The following PSD3 variants were observed in gnomAD, a reference collection of about 807,000 sequenced individuals.
PSD3 encodes the protein pleckstrin and Sec7 domain containing 3.
A neutral mutation model predicts 105.5 loss-of-function variants in PSD3; 49 were observed. That is an observed-to-expected ratio of 0.46 (90% CI 0.37 to 0.59). The LOEUF (loss-of-function observed/expected upper bound fraction) is 0.59, where lower values mean the gene tolerates loss of function less well. Ranked by LOEUF, PSD3 falls within the 20% of genes least tolerant of loss-of-function variation. The pLI, the probability that PSD3 is intolerant of heterozygous loss-of-function variation, is 0.00. For synonymous variants in PSD3, 557 were observed against 457.8 expected (o/e 1.22, Z -2.77); for missense variants, 1,561 against 1,263.8 (o/e 1.24, Z -3.57).
chr8:19,080,759 A>G (rs1158130543), intron 1 of PSD3, among the ~76,000 whole-genome samples: 1 of 152,198 alleles, frequency 6.6e-6, no homozygotes, highest in African/African-American at 2.4e-5. Context: ...ACCAAAATAG[A>G]GCAGTCAATC....
At chr8:18,685,061 A>G (rs1405353289) in intron 9 of PSD3, among the ~76,000 whole-genome samples, 1 of 152,216 alleles carries the variant, frequency 6.6e-6, no homozygotes, top group Non-Finnish European at 1.5e-5. Flanking sequence ...GTTAATATAA[A>G]TAACAAAACT....
intron 1 of PSD3, among the ~76,000 whole-genome samples, chr8:19,065,453 C>G (rs914758855): frequency 3.3e-5 from 5 of 152,186 alleles, no homozygotes; most frequent in Non-Finnish European, 5.9e-5. Context: ...CCCCCTGACC[C>G]TCGTCACAAG....
At chr8:18,946,625 C>A (rs1359641454) in intron 1 of PSD3, among the ~76,000 whole-genome samples, 3 of 151,032 alleles carry the variant, frequency 2.0e-5, no homozygotes, top group Non-Finnish European at 2.9e-5. Flanking sequence ...ATTTTCCAGG[C>A]ACGGTGGCTC....
chr8:18,642,340 C>T (rs1217626455), intron 10 of PSD3, among the ~76,000 whole-genome samples: 2 of 152,102 alleles, frequency 1.3e-5, no homozygotes, highest in Non-Finnish European at 2.9e-5. Flanking sequence ...AAAAAATATA[C>T]ATATATGTAT....
intron 9 of PSD3, among the ~76,000 whole-genome samples, chr8:18,656,359 C>CTTTTTT (rs34369920): frequency 1.4e-5 from 2 of 147,386 alleles, no homozygotes. Context: ...TGTCTGGCTG[C>CTTTTTT]TTTTTTTTTT....
chr8:18,924,033 A>C (rs1376021967), intron 2 of PSD3, among the ~76,000 whole-genome samples: 1 of 152,134 alleles, frequency 6.6e-6, no homozygotes, highest in Non-Finnish European at 1.5e-5. Context: ...TTTCTGCAAC[A>C]CTTCTTAGTT....
chr8:19,024,221 C>T (rs1418276818), intron 1 of PSD3, among the ~76,000 whole-genome samples: 3 of 152,178 alleles, frequency 2.0e-5, no homozygotes, highest in Non-Finnish European at 4.4e-5. Flanking sequence ...CTGAACTAAG[C>T]ATTTCACTTA....
chr8:18,893,477 A>G (rs955687019), intron 2 of PSD3, among the ~76,000 whole-genome samples: 2 of 152,182 alleles, frequency 1.3e-5, no homozygotes. Flanking sequence ...TGTAACTCTA[A>G]GCCGTTTCTT....
intron 4 of PSD3, among the ~76,000 whole-genome samples, chr8:18,851,412 C>G (rs1815550229): frequency 1.3e-5 from 2 of 152,230 alleles, no homozygotes; most frequent in Non-Finnish European, 2.9e-5. Flanking sequence ...CTCCGGCCAG[C>G]TAAACAATGA....
intron 2 of PSD3, among the ~76,000 whole-genome samples, chr8:18,913,086 A>AACAC (rs72253853): frequency 0.084 from 10,939 of 130,428 alleles, 452 homozygotes; most frequent in Admixed American, 0.11. Context: ...CACACACACA[A>AACAC]ACACACACAC....
At chr8:18,981,397 C>T (rs1025397958) in intron 1 of PSD3, among the ~76,000 whole-genome samples, 2 of 152,132 alleles carry the variant, frequency 1.3e-5, no homozygotes, top group East Asian at 3.9e-4. Context: ...TGAATTGAAG[C>T]CCAGATTCTA....
chr8:18,620,923 T>G (rs1405283539), intron 11 of PSD3, among the ~76,000 whole-genome samples: 1 of 152,208 alleles, frequency 6.6e-6, no homozygotes, highest in Admixed American at 6.5e-5. Context: ...ATTTTCTTCT[T>G]TCTCCTAAAT....
intron 9 of PSD3, among the ~76,000 whole-genome samples, chr8:18,726,635 A>AT (rs369256305): frequency 1.3e-4 from 20 of 152,326 alleles, no homozygotes; most frequent in African/African-American, 4.3e-4. Context: ...AGAGTCTATT[A>AT]GAACATGAAC....
chr8:18,953,232 C>T (rs1190642266), intron 1 of PSD3, among the ~76,000 whole-genome samples: 1 of 152,138 alleles, frequency 6.6e-6, no homozygotes, highest in Non-Finnish European at 1.5e-5. Context: ...TATGAGGAAA[C>T]TGATAAACTC....
chr8:19,020,832 A>G (rs1033783956), intron 1 of PSD3, among the ~76,000 whole-genome samples: 1 of 152,210 alleles, frequency 6.6e-6, no homozygotes, highest in Non-Finnish European at 1.5e-5. Flanking sequence ...ACTACCAGAA[A>G]AATGGAGTTA....
intron 1 of PSD3, among the ~76,000 whole-genome samples, chr8:18,991,007 T>G (rs1006198760): frequency 2.0e-5 from 3 of 152,090 alleles, no homozygotes; most frequent in Non-Finnish European, 4.4e-5. Flanking sequence ...CTCAGCTAGC[T>G]GATACTTCAG....
chr8:18,791,774 T>C (rs937301274), intron 8 of PSD3, among the ~76,000 whole-genome samples: 1 of 152,082 alleles, frequency 6.6e-6, no homozygotes, highest in African/African-American at 2.4e-5. Flanking sequence ...AAAGAAAGTA[T>C]CAGAGTCAAC....
At chr8:19,005,499 G>T (rs1826631243) in intron 1 of PSD3, among the ~76,000 whole-genome samples, 1 of 151,848 alleles carries the variant, frequency 6.6e-6, no homozygotes, top group Non-Finnish European at 1.5e-5. Flanking sequence ...GTTTTCTTTT[G>T]AGACAGGGTC....
chr8:18,567,438 A>C (rs1801859123), intron 14 of PSD3, among the ~76,000 whole-genome samples: 3 of 152,180 alleles, frequency 2.0e-5, no homozygotes. Flanking sequence ...AGTTGGATAG[A>C]TGGAGATGTC....
Sources: allele counts gnomAD v4.1 joint callset (sites outside exome capture counted in the v4.1 genomes callset), GRCh38; gene constraint gnomAD v4.1.1; transcripts MANE v1.5; gene names NCBI Gene and HGNC (gene_info 2026-07-23, HGNC 2026-07-21).